The following MROH2B variants were observed in gnomAD, a reference collection of about 807,000 sequenced individuals.
MROH2B encodes maestro heat-like repeat-containing protein family member 2B.
Under a neutral mutation model 208.6 loss-of-function variants are expected in MROH2B, and 177 were observed. The observed-to-expected ratio is 0.85, with a 90% CI of 0.75 to 0.96. The LOEUF is 0.96. MROH2B is among the 40% of genes least tolerant of loss of function. The pLI, the probability that MROH2B is intolerant of heterozygous loss-of-function variation, is 0.00. For synonymous variants in MROH2B, 728 were observed against 659.0 expected (o/e 1.10, Z -1.60); for missense variants, 2,002 against 1,878.7 (o/e 1.07, Z -1.21).
At chr5:41,065,541 A>G (rs1000871235) in intron 3 of MROH2B, 51 bp from the exon 4 acceptor site, 1 of 1,484,642 alleles carries the variant, frequency 6.7e-7, no homozygotes, top group Non-Finnish European at 9.3e-7. Context: ...GGGCAGAGTG[A>G]GTCTATGGAG....
At position 41,033,085 on chromosome 5, in the gene MROH2B, C is replaced by T; in HGVS notation, c.2317G>A (p.Gly773Arg). 1.2e-6 allele frequency: 2 copies of T among 1,613,090 alleles called. No homozygotes were observed. The highest frequency in any genetic ancestry group is 1.7e-6 in the Non-Finnish European group (2 of 1,179,294). Residue 773 changes from glycine to arginine, a missense_variant, in exon 23 of 42, where the codon GGG becomes AGG. Physicochemically the swap from Gly to Arg is moderately radical, Grantham distance 125. Coordinates refer to ENST00000399564, the MANE Select transcript of MROH2B (RefSeq NM_173489.5). ...GIAVQDAEDQ[G>R]FQFSYKEMLI... ...ATCTCCTTGTAGGAAAACTGGAACC[C>T]CTGATCCTCAGCATCTTGGACAGCA...
At chr5:41,065,648 G>A (rs189750572) in intron 3 of MROH2B, among the ~76,000 whole-genome samples, 158 bp from the exon 4 acceptor site, 60 of 152,262 alleles carry the variant, frequency 3.9e-4, no homozygotes, top group Non-Finnish European at 8.8e-5. Flanking sequence ...TGGTTCAACT[G>A]TGTAATGGTG....
rs1474232368 is a variant in MROH2B at position 41,047,749 on chromosome 5, G to C, written c.1700C>G (p.Thr567Ser). The C allele has an allele frequency of 1.3e-6, 2 of 1,593,256 alleles. No individual in the cohort carries two copies. Among genetic ancestry groups the C allele is most frequent in the Non-Finnish European group, 1.7e-6 (2 of 1,168,960 alleles). ...AAGCAGCATGGTTTCCCATAGAACG[G>C]TACTGATGTTCTTTCCTAGAAACAA... ...LQPLEGKNIS[T>S]VLWETMLLQL... The change falls in exon 17 of 42, where the codon ACC (threonine) becomes AGC (serine). Residue 567 changes from threonine to serine, a missense_variant. By Grantham distance (58) the Thr-to-Ser change is moderately conservative. Coordinates refer to ENST00000399564, the MANE Select transcript of MROH2B (RefSeq NM_173489.5).
At chr5:41,042,332 C>G in intron 18 of MROH2B, 124 bp from the exon 19 acceptor site, 1 of 564,276 alleles carries the variant, frequency 1.8e-6, no homozygotes, top group Non-Finnish European at 3.2e-6. Flanking sequence ...AACCATGTAC[C>G]TCAAGTATTC....
At chr5:41,047,906 A>T in intron 16 of MROH2B, 142 bp from the exon 17 acceptor site, 1 of 711,196 alleles carries the variant, frequency 1.4e-6, no homozygotes, top group Non-Finnish European at 2.4e-6. Flanking sequence ...GATCAAATTT[A>T]CTACACTGGC....
intron 4 of MROH2B, 47 bp from the exon 5 acceptor site, chr5:41,064,617 AT>A (rs1460356596): frequency 6.7e-7 from 1 of 1,495,840 alleles, no homozygotes. Context: ...ATCTTCTCAA[AT>A]TTGGGGTTCT....
At chr5:41,004,210 T>G in intron 37 of MROH2B, 136 bp downstream of exon 37, 1 of 919,030 alleles carries the variant, frequency 1.1e-6, no homozygotes. Context: ...TGTATAGAGA[T>G]TGTCTGCAGG....
In MROH2B at chr5:41,047,703, T is replaced by A; in HGVS notation, c.1728+18A>T. ...TCATCATGCCATTATTAAAAATTATTCTAGAAGCCAGCCTTACCTGAAGCA... is the reference window on the plus strand; with the variant it reads ...TCATCATGCCATTATTAAAAATTATACTAGAAGCCAGCCTTACCTGAAGCA... On this transcript the variant is annotated intron_variant, in intron 17 of 41. Coordinates refer to ENST00000399564, the MANE Select transcript of MROH2B (RefSeq NM_173489.5). 1 of 1,585,530 alleles carries A rather than the reference T, an allele frequency of 6.3e-7. No homozygotes were observed. Among genetic ancestry groups the A allele is most frequent in the Non-Finnish European group, 8.6e-7 (1 of 1,164,426 alleles).
intron 11 of MROH2B, among the ~76,000 whole-genome samples, chr5:41,053,030 T>C (rs1240974361): frequency 2.0e-5 from 3 of 152,202 alleles, no homozygotes; most frequent in Non-Finnish European, 4.4e-5. Flanking sequence ...AGAAATGCTC[T>C]CTTTAGCCAA....
chr5:41,009,349 G>A lies in MROH2B; in HGVS notation c.3351C>T (p.Leu1117=). 2 of 1,613,942 alleles carry A rather than the reference G, an allele frequency of 1.2e-6. No individual in the cohort carries two copies. The highest frequency in any genetic ancestry group is 1.7e-6 in the Non-Finnish European group (2 of 1,179,818). Residue 1117 remains leucine (L), a synonymous_variant, in exon 32 of 42, where the codon CTC becomes CTT. Coordinates refer to ENST00000399564, the MANE Select transcript of MROH2B (RefSeq NM_173489.5). The part of the protein sequence containing the change: ...LAEKPASSGK[L]LQALIDKLET... ...CCAGTTTGTCTATTAAGGCTTGCAA[G>A]AGTTTCCCACTGGAGGCTGGCTTTT...
intron 2 of MROH2B, among the ~76,000 whole-genome samples, chr5:41,068,048 G>C (rs1241142819): frequency 6.6e-6 from 1 of 152,126 alleles, no homozygotes; most frequent in Non-Finnish European, 1.5e-5. Context: ...TGTGTGGCTT[G>C]ACTAGATGCC....
At position 41,070,840 on chromosome 5, in the gene MROH2B, T is replaced by G. The variant is rs1457628035; in HGVS notation, c.13A>C (p.Thr5Pro). 51 of 1,611,212 alleles carry G rather than the reference T, an allele frequency of 3.2e-5. No individual in the cohort carries two copies. Among genetic ancestry groups the G allele is most frequent in the Non-Finnish European group, 4.3e-5 (51 of 1,178,658 alleles). Residue 5 changes from threonine (T) to proline (P), a missense_variant, in exon 1 of 42, where the codon ACA becomes CCA. Coordinates refer to ENST00000399564, the MANE Select transcript of MROH2B (RefSeq NM_173489.5). Reference protein sequence around the residue: MTLSTEESIEMFGDI... With the variant: MTLSPEESIEMFGDI... ...TGATGCTTACCTATGGATTCCTCTGTACTAAGTGTCATGTCTTGGCTGTTT... is the reference window on the plus strand; with the variant it reads ...TGATGCTTACCTATGGATTCCTCTGGACTAAGTGTCATGTCTTGGCTGTTT...
intron 24 of MROH2B, among the ~76,000 whole-genome samples, chr5:41,028,675 G>A (rs1742462999): frequency 6.6e-6 from 1 of 152,126 alleles, no homozygotes; most frequent in African/African-American, 2.4e-5. Context: ...TTCCATTGTG[G>A]GTATAAATAT....
rs1208151398 is a variant in MROH2B at position 41,018,918 on chromosome 5, C to T, written c.2542G>A (p.Glu848Lys). 1 of 1,613,886 alleles carries T rather than the reference C, an allele frequency of 6.2e-7. No individual in the cohort carries two copies. Among genetic ancestry groups the T allele is most frequent in the Non-Finnish European group, 8.5e-7 (1 of 1,179,878 alleles). The change falls in exon 25 of 42, where the codon GAA becomes AAA. Residue 848 changes from glutamate to lysine, a missense_variant. Glu to Lys is a moderately conservative substitution (Grantham distance 56, BLOSUM62 1). Coordinates refer to ENST00000399564, the MANE Select transcript of MROH2B (RefSeq NM_173489.5). Reference protein sequence around the residue: ...PLPPLENLKSEGQTDKDKEHI... With the variant: ...PLPPLENLKSKGQTDKDKEHI... ...TCCTTGTCCTTGTCTGTCTGGCCTT[C>T]ACTTTTCAGATTTTCCAGAGGTGGA... is the stretch of plus-strand genomic sequence containing the variant.
chr5:41,021,905 A>G (rs1217632394), intron 24 of MROH2B, among the ~76,000 whole-genome samples: 4 of 152,166 alleles, frequency 2.6e-5, no homozygotes, highest in African/African-American at 9.7e-5. Context: ...AGAGACATAT[A>G]AGCCCATGGA....
At chr5:41,044,113 G>T (rs556376125) in intron 18 of MROH2B, among the ~76,000 whole-genome samples, 8 of 151,746 alleles carry the variant, frequency 5.3e-5, no homozygotes, top group Admixed American at 2.6e-4. Context: ...AGCCGGGTGT[G>T]GTGGCACGTG....
At chr5:41,044,915 T>G (rs1045186221) in intron 18 of MROH2B, among the ~76,000 whole-genome samples, 1 of 152,188 alleles carries the variant, frequency 6.6e-6, no homozygotes, top group African/African-American at 2.4e-5. Flanking sequence ...CACCAGGGAC[T>G]TTATATACTT....
intron 24 of MROH2B, among the ~76,000 whole-genome samples, chr5:41,027,751 T>C (rs1742423935): frequency 6.6e-6 from 1 of 152,174 alleles, no homozygotes. Flanking sequence ...ATGTTTATTG[T>C]GGCACTATTC....
chr5:41,028,792 A>T (rs983015783), intron 24 of MROH2B, among the ~76,000 whole-genome samples: 3 of 152,090 alleles, frequency 2.0e-5, no homozygotes, highest in Non-Finnish European at 2.9e-5. Flanking sequence ...ATAACTTAAA[A>T]TTTTTTTAAT....
Sources: allele counts gnomAD v4.1 joint callset (sites outside exome capture counted in the v4.1 genomes callset), GRCh38; gene constraint gnomAD v4.1.1; transcripts MANE v1.5; gene names NCBI Gene and HGNC (gene_info 2026-07-23, HGNC 2026-07-21).